The following ATXN7 variants were observed in gnomAD, a reference collection of about 807,000 sequenced individuals.
ATXN7 encodes ataxin-7.
ATXN7 carries 12 observed loss-of-function variants against 70.5 expected under a neutral mutation model. That is an observed-to-expected ratio of 0.17 (90% confidence interval 0.11 to 0.28). The LOEUF (loss-of-function observed/expected upper bound fraction) is 0.28, where lower values mean the gene tolerates loss of function less well. Ranked by LOEUF, ATXN7 falls within the 10% of genes least tolerant of loss-of-function variation. The pLI, the probability that ATXN7 is intolerant of heterozygous loss-of-function variation, is 1.00. For missense variants in ATXN7, 1,256 were observed against 1,131.7 expected, an observed-to-expected ratio of 1.11 and a Z score of -1.58; for synonymous variants, 498 against 448.7, an observed-to-expected ratio of 1.11 and a Z score of -1.39.
chr3:63,892,124 T>C (rs1299213070), intron 1 of ATXN7, among the ~76,000 whole-genome samples: 1 of 152,192 alleles, frequency 6.6e-6, no homozygotes, highest in Non-Finnish European at 1.5e-5. Context: ...ATTGTTCTTA[T>C]TGGTAGTGTT....
intron 2 of ATXN7, chr3:63,901,513 T>G: frequency 6.6e-6 from 1 of 152,214 alleles, no homozygotes; most frequent in East Asian, 1.9e-4. Flanking sequence ...CTGTTTGTCT[T>G]TCTGGGCCTG....
intron 5 of ATXN7, among the ~76,000 whole-genome samples, chr3:63,965,458 A>G (rs1379173146): frequency 6.6e-6 from 1 of 152,182 alleles, no homozygotes; most frequent in African/African-American, 2.4e-5. Flanking sequence ...CACAGTTCAG[A>G]ACTCCCTTTG....
At chr3:63,949,892 T>G (rs1191686440) in intron 4 of ATXN7, among the ~76,000 whole-genome samples, 4 of 152,208 alleles carry the variant, frequency 2.6e-5, no homozygotes, top group African/African-American at 9.7e-5. Flanking sequence ...TTAAATAAGT[T>G]TGTTTCTCCA....
chr3:63,872,643 C>T (rs1702632996), intron 1 of ATXN7, among the ~76,000 whole-genome samples: 1 of 152,214 alleles, frequency 6.6e-6, no homozygotes. Flanking sequence ...AAGATACCCC[C>T]TCTTGATGGC....
chr3:63,982,751 C>G lies in ATXN7; in HGVS notation c.1013-188C>G, dbSNP rs536311724. On this transcript the variant is annotated intron_variant, in intron 7 of 12. Coordinates refer to ENST00000674280, the MANE Select transcript of ATXN7 (RefSeq NM_001377405.1). The stretch of plus-strand genomic sequence containing the variant: ...TCTACCATCTGATGGCAGTAGTCAC[C>G]CCCTGTCTTAGTGATGTTGCTGCTT... The G allele has an allele frequency of 2.0e-5, 12 of 612,856 alleles. No homozygotes were observed. The South Asian group carries it at 2.2e-4, about 11-fold the overall frequency. The allele number at this position is 612,856 out of a possible 1,614,324, so 38.0% of individuals were successfully genotyped here.
At chr3:63,922,475 A>C (rs1055125807) in intron 4 of ATXN7, among the ~76,000 whole-genome samples, 1 of 152,190 alleles carries the variant, frequency 6.6e-6, no homozygotes, top group African/African-American at 2.4e-5. Flanking sequence ...CTGCTTATGC[A>C]GAGTTGTACT....
chr3:63,915,282 C>G lies in ATXN7; in HGVS notation c.394+2057C>G, dbSNP rs537248973. Among the ~76,000 whole-genome samples, 7 of 152,254 alleles carry G rather than the reference C, an allele frequency of 4.6e-5. No individual in the cohort carries two copies. The South Asian group carries it at 1.0e-3, about 23-fold the overall frequency. On this transcript the variant is annotated intron_variant, in intron 4 of 12. Transcript: ENST00000674280. ...CCCTCCTCCCCCTTTTAAAGTTGTT[C>G]TAACCATTTAGAGGATGCTGTAGCT... is the stretch of plus-strand genomic sequence containing the variant.
intron 4 of ATXN7, among the ~76,000 whole-genome samples, chr3:63,948,190 A>C (rs2074895377): frequency 6.6e-6 from 1 of 152,160 alleles, no homozygotes; most frequent in Non-Finnish European, 1.5e-5. Context: ...AGAGAAGTGG[A>C]TGAAGATTTT....
At chr3:63,924,613 G>A (rs111718792) in intron 4 of ATXN7, among the ~76,000 whole-genome samples, 2,072 of 152,260 alleles carry the variant, frequency 0.014, 57 homozygotes, top group African/African-American at 0.046. Flanking sequence ...AGTGAGGAGT[G>A]ATGGTCTCTG....
intron 4 of ATXN7, among the ~76,000 whole-genome samples, chr3:63,947,574 A>G (rs2074884747): frequency 6.6e-6 from 1 of 152,118 alleles, no homozygotes; most frequent in Non-Finnish European, 1.5e-5. Context: ...CCTGGGCGAC[A>G]GAAACCTTGT....
chr3:63,954,207 C>T (rs2075001672), intron 5 of ATXN7, among the ~76,000 whole-genome samples: 1 of 152,144 alleles, frequency 6.6e-6, no homozygotes, highest in African/African-American at 2.4e-5. Flanking sequence ...TTGGAAAAAT[C>T]ACTTGTAATG....
chr3:63,924,202 A>G (rs1205226604), intron 4 of ATXN7, among the ~76,000 whole-genome samples: 2 of 152,164 alleles, frequency 1.3e-5, no homozygotes, highest in Admixed American at 6.5e-5. Context: ...GAGCAACTGA[A>G]TGGTACCACT....
chr3:63,932,322 G>T (rs1477913237), intron 4 of ATXN7, among the ~76,000 whole-genome samples: 1 of 152,156 alleles, frequency 6.6e-6, no homozygotes, highest in Non-Finnish European at 1.5e-5. Context: ...TCAGAAGTAG[G>T]CCAGGCTGAG....
chr3:63,863,939 CCGCG>C lies in ATXN7; in HGVS notation c.-328_-325del. The C allele has an allele frequency of 1.3e-5, 2 of 153,680 alleles. No homozygotes were observed. Among genetic ancestry groups the C allele is most frequent in the Non-Finnish European group, 2.3e-5 (2 of 86,750 alleles). The allele number at this position is 153,680 out of a possible 1,614,324, so 9.5% of individuals were successfully genotyped here. The stretch of plus-strand genomic sequence containing the variant: ...GCGGCCGCCTGCTCCGACGCCTGAG[CCGCG>C]CCGCGCCGCGCCGCCGCCGCCGCCG... On this transcript the variant is annotated 5_prime_UTR_variant, in exon 1 of 13. The change creates a premature stop within an existing upstream ORF in the 5' untranslated region. Coordinates refer to ENST00000674280, the MANE Select transcript of ATXN7 (RefSeq NM_001377405.1).
intron 4 of ATXN7, among the ~76,000 whole-genome samples, chr3:63,917,385 G>T (rs1306533603): frequency 6.6e-6 from 1 of 152,200 alleles, no homozygotes; most frequent in Non-Finnish European, 1.5e-5. Flanking sequence ...ATTATGTTTA[G>T]ATTGAATTAA....
intron 5 of ATXN7, among the ~76,000 whole-genome samples, chr3:63,955,791 AT>A (rs2075029733): frequency 6.6e-6 from 1 of 152,144 alleles, no homozygotes; most frequent in South Asian, 2.1e-4. Flanking sequence ...GAATTCATGT[AT>A]TGCTGATATC....
intron 1 of ATXN7, among the ~76,000 whole-genome samples, chr3:63,878,712 G>A (rs1575838663): frequency 6.6e-6 from 1 of 152,170 alleles, no homozygotes; most frequent in African/African-American, 2.4e-5. Flanking sequence ...TGTTATCACT[G>A]CTAGATCTGA....
rs1196345261 is a variant in ATXN7, at chr3:63,990,734, G to T, written c.1561-4G>T. 1 of 1,614,130 alleles carries T rather than the reference G, an allele frequency of 6.2e-7. No individual in the cohort carries two copies. Among genetic ancestry groups the T allele is most frequent in the South Asian group, 1.1e-5 (1 of 91,078 alleles). ...CAAGCACGCGGCTATGTTTTCTCTT[G>T]CAGTTTTGCACATTTGGGAGCCGGC... On this transcript the variant is annotated splice_region_variant and splice_polypyrimidine_tract_variant and intron_variant, in intron 10 of 12. Coordinates refer to ENST00000674280, the MANE Select transcript of ATXN7 (RefSeq NM_001377405.1).
chr3:63,974,056 G>C (rs185831991), intron 5 of ATXN7, among the ~76,000 whole-genome samples: 1 of 152,262 alleles, frequency 6.6e-6, no homozygotes, highest in East Asian at 1.9e-4. Flanking sequence ...GCTTTAAACT[G>C]TCTTCGACTT....
Sources: allele counts gnomAD v4.1 joint callset (sites outside exome capture counted in the v4.1 genomes callset), GRCh38; gene constraint gnomAD v4.1.1; transcripts MANE v1.5; gene names NCBI Gene and HGNC (gene_info 2026-07-23, HGNC 2026-07-21).